The following PLXNA4 variants were observed in gnomAD, a reference collection of about 807,000 sequenced individuals.
PLXNA4 encodes the protein plexin A4.
Under a neutral mutation model 191.8 loss-of-function variants are expected in PLXNA4, and 44 were observed. The observed-to-expected ratio is 0.23, with a 90% CI of 0.18 to 0.29. The LOEUF is 0.29. Among genes scored for constraint, PLXNA4 ranks in the 10% least tolerant of loss-of-function variants. PLXNA4 has a pLI of 1.00. For synonymous variants in PLXNA4, 1,082 were observed against 1,009.5 expected, an observed-to-expected ratio of 1.07 and a Z score of -1.36; for missense variants, 1,800 against 2,488.8, an observed-to-expected ratio of 0.72 and a Z score of 5.89.
At chr7:132,552,066 C>A (rs945331883) in intron 1 of PLXNA4, among the ~76,000 whole-genome samples, 3 of 152,206 alleles carry the variant, frequency 2.0e-5, no homozygotes, top group African/African-American at 7.2e-5. Context: ...CAATGCTGCA[C>A]ATGCAGCCAA....
intron 3 of PLXNA4, among the ~76,000 whole-genome samples, chr7:132,333,769 A>G (rs560554469): frequency 1.5e-4 from 23 of 152,262 alleles, no homozygotes; most frequent in Non-Finnish European, 3.1e-4. Flanking sequence ...CCACTTCCCA[A>G]GGGTCCTGTG....
intron 1 of PLXNA4, among the ~76,000 whole-genome samples, chr7:132,545,566 A>C (rs1800264434): frequency 6.6e-6 from 1 of 152,224 alleles, no homozygotes; most frequent in African/African-American, 2.4e-5. Context: ...GGGTTGACCC[A>C]AGGTTTTTCT....
chr7:132,371,715 A>T (rs190722425), intron 3 of PLXNA4, among the ~76,000 whole-genome samples: 25 of 152,316 alleles, frequency 1.6e-4, no homozygotes, highest in Non-Finnish European at 3.1e-4. Context: ...ATTAAAGAGA[A>T]GGCATCAAGG....
chr7:132,500,701 A>T (rs546320235), intron 2 of PLXNA4, among the ~76,000 whole-genome samples: 2 of 152,294 alleles, frequency 1.3e-5, no homozygotes, highest in South Asian at 4.2e-4. Context: ...ACACAGGATG[A>T]TGCTATGAAG....
In PLXNA4 at chr7:132,147,917, G is replaced by A. The variant is rs1339186802; in HGVS notation, c.4847C>T (p.Thr1616Ile). The A allele has an allele frequency of 1.2e-6, 2 of 1,613,998 alleles. No individual in the cohort carries two copies. The highest frequency in any genetic ancestry group is 1.7e-5 in the Admixed American group (1 of 60,010). Residue 1616 changes from threonine to isoleucine, a missense_variant, in exon 27 of 32, where the codon ACC (threonine) becomes ATC (isoleucine). By Grantham distance (89) the Thr-to-Ile change is moderately conservative. Coordinates refer to ENST00000321063, the MANE Select transcript of PLXNA4 (RefSeq NM_020911.2). ...GATCTTACCATATTTACTTGCTGAG[G>A]TCCTGGAGACGGTGGAGTTGTTCAC... The part of the protein sequence containing the change: ...NAVNNSTVSR[T>I]SASKYENMIR...
intron 20 of PLXNA4, among the ~76,000 whole-genome samples, chr7:132,175,502 T>C (rs1340172998): frequency 1.3e-5 from 2 of 152,224 alleles, no homozygotes; most frequent in African/African-American, 2.4e-5. Flanking sequence ...TCTGTATAAA[T>C]AGGCAAGGTA....
chr7:132,229,283 T>C (rs1798442404), intron 5 of PLXNA4, among the ~76,000 whole-genome samples: 1 of 152,232 alleles, frequency 6.6e-6, no homozygotes. Context: ...AAGTGTATGG[T>C]GTCACAAGTG....
intron 4 of PLXNA4, among the ~76,000 whole-genome samples, chr7:132,262,914 C>G (rs1799704244): frequency 6.6e-6 from 1 of 152,138 alleles, no homozygotes; most frequent in African/African-American, 2.4e-5. Context: ...CACCACAACC[C>G]AAGGTTTGGA....
At chr7:132,384,455 TG>T in intron 3 of PLXNA4, 1 of 985,802 alleles carries the variant, frequency 1.0e-6, no homozygotes, top group Non-Finnish European at 1.2e-6. Flanking sequence ...GGAATTGTGC[TG>T]GATAGTGGCC....
chr7:132,535,277 A>G (rs1799785667), intron 1 of PLXNA4, among the ~76,000 whole-genome samples: 1 of 152,250 alleles, frequency 6.6e-6, no homozygotes, highest in South Asian at 2.1e-4. Context: ...ACAATGCCCA[A>G]TGGATGGGGG....
chr7:132,626,420 A>G (rs1294870871), intron 2 of PLXNA4, among the ~76,000 whole-genome samples: 7 of 152,160 alleles, frequency 4.6e-5, no homozygotes, highest in African/African-American at 1.7e-4. Context: ...TGTAATCCCC[A>G]GTATTGGAGG....
At position 132,478,567 on chromosome 7, in the gene PLXNA4, G is replaced by T. The variant is rs71534259; in HGVS notation, c.1371+10725C>A. Among the ~76,000 whole-genome samples the T allele has an allele frequency of 2.8e-3, 429 of 152,236 alleles. 1 individual carries two copies. The highest frequency in any genetic ancestry group is 4.8e-3 in the South Asian group (23 of 4,826). The stretch of plus-strand genomic sequence containing the variant: ...ATGTATTGACTTATAGATTTTTAAA[G>T]GTAGACTGAAGATATCTAATCATTT... On this transcript the variant is annotated intron_variant, in intron 3 of 31. Coordinates refer to ENST00000321063, the MANE Select transcript of PLXNA4 (RefSeq NM_020911.2).
chr7:132,130,571 G>C lies in PLXNA4; in HGVS notation c.5593C>G (p.Leu1865Val). Reference protein sequence around the residue: ...SYVGKYSEEILGPLDHDDQCG... With the variant: ...SYVGKYSEEIVGPLDHDDQCG... ...TGGTCATCGTGGTCCAGAGGTCCAA[G>C]GATCTGCGGAAGGGCCAAGAACAGG... Residue 1865 changes from leucine to valine, a missense_variant, in exon 32 of 32, where the codon CTT becomes GTT. Coordinates refer to ENST00000321063, the MANE Select transcript of PLXNA4 (RefSeq NM_020911.2). The C allele has an allele frequency of 6.2e-7, 1 of 1,614,112 alleles. No homozygotes were observed. Among genetic ancestry groups the C allele is most frequent in the Non-Finnish European group, 8.5e-7 (1 of 1,180,004 alleles).
intron 3 of PLXNA4, among the ~76,000 whole-genome samples, chr7:132,393,743 A>G (rs1490714170): frequency 3.3e-5 from 5 of 152,196 alleles, no homozygotes; most frequent in African/African-American, 1.2e-4. Context: ...GAGGCCCCTG[A>G]TTCCATGTAA....
At position 132,164,208 on chromosome 7, in the gene PLXNA4, C is replaced by T. The variant is rs533523444; in HGVS notation, c.4434G>A (p.Thr1478=). 55 of 1,614,228 alleles carry T rather than the reference C, an allele frequency of 3.4e-5. No individual in the cohort carries two copies. The East Asian group carries it at 9.8e-4, about 29-fold the overall frequency. ...CGCTCAAGGAGTAGCGGGCCTCGCC[C>T]GTGATGGCGTCAATGGGGCCCTTCT... The part of the protein sequence containing the change: ...QMEKGPIDAI[T]GEARYSLSED... The change falls in exon 24 of 32, where the codon ACG becomes ACA. Residue 1478 remains threonine, a synonymous_variant. Coordinates refer to ENST00000321063, the MANE Select transcript of PLXNA4 (RefSeq NM_020911.2).
intron 5 of PLXNA4, among the ~76,000 whole-genome samples, chr7:132,240,215 C>T (rs1426927870): frequency 6.6e-6 from 1 of 152,174 alleles, no homozygotes. Flanking sequence ...AATAGCTGGA[C>T]TGGAATCAAA....
chr7:132,203,434 G>T lies in PLXNA4; in HGVS notation c.2299-15C>A, dbSNP rs757439352. The T allele has an allele frequency of 1.1e-5, 17 of 1,611,952 alleles. No homozygotes were observed. The highest frequency in any genetic ancestry group is 1.3e-5 in the Non-Finnish European group (15 of 1,178,002). On this transcript the variant is annotated splice_polypyrimidine_tract_variant and intron_variant, in intron 10 of 31. Transcript: ENST00000321063. ...TCATAGGAATACTGCAGCCAGGTCG[G>T]GGAGGAGGAAAGAAGAAAGTGGGGT...
intron 3 of PLXNA4, among the ~76,000 whole-genome samples, chr7:132,354,858 C>T (rs1463956197): frequency 6.6e-6 from 1 of 152,200 alleles, no homozygotes; most frequent in East Asian, 1.9e-4. Context: ...GTGCCTGAGC[C>T]CCTTTTCAGC....
At chr7:132,171,551 C>T (rs2116681266) in intron 21 of PLXNA4, among the ~76,000 whole-genome samples, 1 of 152,298 alleles carries the variant, frequency 6.6e-6, no homozygotes, top group South Asian at 2.1e-4. Context: ...AGCACTATGG[C>T]ATTTAGAGAG....
Sources: gnomAD v4.1 joint callset for allele counts (sites outside exome capture counted in the v4.1 genomes callset) on GRCh38, gnomAD v4.1.1 for gene constraint, MANE v1.5 for transcripts, NCBI Gene and HGNC (gene_info 2026-07-23, HGNC 2026-07-21) for gene names.